MIDEAS: variants seen among roughly 807,000 people sequenced by gnomAD.
The protein encoded by MIDEAS is mitotic deacetylase associated SANT domain protein, also known as mitotic deacetylase-associated SANT domain protein.
In MIDEAS, 26 loss-of-function variants were observed where a neutral mutation model predicts 102.7. The observed-to-expected ratio is 0.25, with a 90% CI of 0.19 to 0.35. The LOEUF is 0.35. MIDEAS is among the 10% of genes least tolerant of loss of function. The pLI, the probability that MIDEAS is intolerant of heterozygous loss-of-function variation, is 1.00. For synonymous variants in MIDEAS, 585 were observed against 591.0 expected (o/e 0.99, Z 0.15); for missense variants, 1,231 against 1,435.6 (o/e 0.86, Z 2.30).
intron 4 of MIDEAS, among the ~76,000 whole-genome samples, chr14:73,729,337 A>C (rs1275540603): frequency 1.3e-5 from 2 of 152,228 alleles, no homozygotes; most frequent in South Asian, 2.1e-4. Context: ...TCATCAACCA[A>C]GTAATACTAA....
In MIDEAS at chr14:73,726,688, G is replaced by A. The variant is rs201285016; in HGVS notation, c.2325C>T (p.Ala775=). 12 of 1,614,234 alleles carry A rather than the reference G, an allele frequency of 7.4e-6. No individual in the cohort carries two copies. Among genetic ancestry groups the A allele is most frequent in the South Asian group, 4.4e-5 (4 of 91,082 alleles). Residue 775 remains alanine (A), a synonymous_variant, in exon 7 of 13, where the codon GCC becomes GCT. Transcript: ENST00000423556. ...KQRQVEDLLT[A]ACSSIFPGAG... Reference sequence around the variant, plus strand: ...CACCAGGGAAAATGCTGGAGCAGGCGGCTGTCAGCAGGTCTTCCACTGGAT... The same window carrying A: ...CACCAGGGAAAATGCTGGAGCAGGCAGCTGTCAGCAGGTCTTCCACTGGAT...
At chr14:73,719,165 C>G in intron 12 of MIDEAS, 140 bp downstream of exon 12, 2 of 1,478,432 alleles carry the variant, frequency 1.4e-6, no homozygotes, top group Non-Finnish European at 1.8e-6. Context: ...CATGACGTCA[C>G]AGCCCTAGAA....
chr14:73,780,779 A>C (rs1009435283), intron 1 of MIDEAS, among the ~76,000 whole-genome samples: 4 of 152,122 alleles, frequency 2.6e-5, no homozygotes, highest in African/African-American at 9.7e-5. Context: ...ACAGTAAGTA[A>C]TCTTGTTGGC....
intron 1 of MIDEAS, among the ~76,000 whole-genome samples, chr14:73,752,697 C>T (rs1019628902): frequency 3.9e-5 from 6 of 152,194 alleles, no homozygotes; most frequent in African/African-American, 1.2e-4. Flanking sequence ...CAGCCTCACG[C>T]CCTTCCTCAG....
rs1367718202 is a variant in MIDEAS at position 73,725,622 on chromosome 14, G to C, written c.2486-262C>G. 5.9e-5 allele frequency among the ~76,000 whole-genome samples: 9 copies of C among 152,344 alleles called. No homozygotes were observed. The South Asian group carries it at 1.9e-3, about 32-fold the overall frequency. On this transcript the variant is annotated intron_variant, in intron 8 of 12. Coordinates refer to ENST00000423556, the MANE Select transcript of MIDEAS (RefSeq NM_001367710.1). This position sits in a 1 kb window ranked among gnomAD's most constrained non-coding sequence, Gnocchi z 4.1. ...AACCCTTGGTGCTCTGCCTGGTGCA[G>C]ATGAAATGTAGCACTAACATGCATG...
At chr14:73,735,972 C>T (rs2053194952) in intron 3 of MIDEAS, among the ~76,000 whole-genome samples, 1 of 152,088 alleles carries the variant, frequency 6.6e-6, no homozygotes, top group Admixed American at 6.5e-5. Flanking sequence ...ACCTGGCCAA[C>T]ATGGTGAAAC....
At chr14:73,749,399 G>A (rs962674982) in intron 1 of MIDEAS, among the ~76,000 whole-genome samples, 1 of 149,674 alleles carries the variant, frequency 6.7e-6, no homozygotes, top group African/African-American at 2.5e-5. Context: ...AATTAGCTGC[G>A]TGTGGTGGCC....
At chr14:73,763,098 G>A (rs970766250), upstream of MIDEAS, among the ~76,000 whole-genome samples, 2 of 152,168 alleles carry the variant, frequency 1.3e-5, no homozygotes, top group Non-Finnish European at 2.9e-5. Flanking sequence ...AACTTTAGAA[G>A]GCTGAGGCAG....
intron 3 of MIDEAS, 38 bp downstream of exon 3, chr14:73,736,960 C>T (rs1175452355): frequency 6.3e-7 from 1 of 1,587,632 alleles, no homozygotes; most frequent in South Asian, 1.1e-5. Context: ...CCTGAGCACT[C>T]ACGCGCTGGA....
chr14:73,758,128 A>G (rs933394750), intron 1 of MIDEAS, among the ~76,000 whole-genome samples: 6 of 152,138 alleles, frequency 3.9e-5, no homozygotes, highest in African/African-American at 1.4e-4. Context: ...TAGAGTGGAG[A>G]CTGGACCAGG....
At chr14:73,723,254 C>T in intron 9 of MIDEAS, 1 of 159,088 alleles carries the variant, frequency 6.3e-6, no homozygotes, top group Non-Finnish European at 1.4e-5. Context: ...AAATAATTCT[C>T]GTGCCTCAGC....
intron 1 of MIDEAS, among the ~76,000 whole-genome samples, chr14:73,778,362 CAAA>C (rs1389802174): frequency 9.4e-6 from 1 of 106,076 alleles, no homozygotes; most frequent in Non-Finnish European, 2.0e-5. Flanking sequence ...GACTCTGTCT[CAAA>C]AAAAAAAAAA....
chr14:73,772,441 C>A (rs1389712121), intron 1 of MIDEAS, among the ~76,000 whole-genome samples: 1 of 152,148 alleles, frequency 6.6e-6, no homozygotes, highest in Non-Finnish European at 1.5e-5. Context: ...CTGTGTTTTA[C>A]TTTTTTCATC....
rs1044739378 is a variant in MIDEAS, at chr14:73,740,037, G to A, written c.-29C>T. 1.1e-5 allele frequency: 16 copies of A among 1,465,374 alleles called. No homozygotes were observed. The African/African-American group carries it at 2.3e-4, about 21-fold the overall frequency. The allele number at this position is 1,465,374 out of a possible 1,614,324, so 90.8% of individuals were successfully genotyped here. A position where few individuals can be genotyped will look rare whatever the true frequency, so the allele number is the denominator to read the frequency against. ...GTGGCCAACTGAGCCCTGGCGGTGA[G>A]ATCCCCTTCAACAGTCGCCCATCCC... On this transcript the variant is annotated 5_prime_UTR_variant, in exon 2 of 13. Coordinates refer to ENST00000423556, the MANE Select transcript of MIDEAS (RefSeq NM_001367710.1).
Position 73,725,247 on chromosome 14 carries a change from T to C in MIDEAS, c.2574+25A>G. 1 of 1,603,532 alleles carries C rather than the reference T, an allele frequency of 6.2e-7. No individual in the cohort carries two copies. The highest frequency in any genetic ancestry group is 8.5e-7 in the Non-Finnish European group (1 of 1,170,372). ...ACACAGGCAGCTCCTGGCCCTCATT[T>C]GCCCTGAAACAGAGCCCAGCTCACC... is the stretch of plus-strand genomic sequence containing the variant. On this transcript the variant is annotated intron_variant, in intron 9 of 12. Coordinates refer to ENST00000423556, the MANE Select transcript of MIDEAS (RefSeq NM_001367710.1). The surrounding 1 kb of genome is among the most constrained non-coding windows in gnomAD (Gnocchi z 4.1).
At chr14:73,768,058 G>A (rs887335555) in intron 1 of MIDEAS, among the ~76,000 whole-genome samples, 4 of 152,174 alleles carry the variant, frequency 2.6e-5, no homozygotes, top group African/African-American at 7.2e-5. Context: ...TACTTGGGGG[G>A]CTGAGTGGGG....
chr14:73,721,178 C>T, intron 11 of MIDEAS, 119 bp downstream of exon 11: 1 of 946,454 alleles, frequency 1.1e-6, no homozygotes, highest in African/African-American at 1.6e-5. Context: ...GTACTTCACA[C>T]ATTTCCTGCT....
chr14:73,780,785 T>C (rs536634050), intron 1 of MIDEAS, among the ~76,000 whole-genome samples: 12 of 152,336 alleles, frequency 7.9e-5, no homozygotes, highest in African/African-American at 2.6e-4. Context: ...AGTAATCTTG[T>C]TGGCCAACTG....
intron 1 of MIDEAS, among the ~76,000 whole-genome samples, chr14:73,771,641 T>C (rs1391190150): frequency 6.6e-6 from 1 of 152,182 alleles, no homozygotes; most frequent in Non-Finnish European, 1.5e-5. Flanking sequence ...CAGAAGACAG[T>C]CAGCTGCTCA....
Sources: gnomAD v4.1 joint callset for allele counts (sites outside exome capture counted in the v4.1 genomes callset) on GRCh38, gnomAD v4.1.1 for gene constraint, Gnocchi (gnomAD v3.1) non-coding constraint, MANE v1.5 for transcripts, NCBI Gene and HGNC (gene_info 2026-07-23, HGNC 2026-07-21) for gene names.